USP39: variants seen among roughly 807,000 people sequenced by gnomAD.
USP39 encodes ubiquitin carboxyl-terminal hydrolase 39.
USP39 carries 38 observed loss-of-function variants against 66.4 expected under a neutral mutation model. The ratio of observed to expected loss-of-function variants is 0.57; its 90% CI spans 0.44 to 0.75. The LOEUF is 0.75. Among genes scored for constraint, USP39 ranks in the 30% least tolerant of loss-of-function variants. The pLI, the probability that USP39 is intolerant of heterozygous loss-of-function variation, is 0.00. For missense variants in USP39, 608 were observed against 714.4 expected (o/e 0.85, Z 1.70); for synonymous variants, 303 against 274.6 (o/e 1.10, Z -1.02).
At chr2:85,624,847 C>G (rs1456146080) in intron 4 of USP39, among the ~76,000 whole-genome samples, 2 of 151,926 alleles carry the variant, frequency 1.3e-5, no homozygotes, top group Admixed American at 6.6e-5. Flanking sequence ...CCTGTAATCC[C>G]AGCTACTTGG....
chr2:85,628,999 G>A (rs1162591429), intron 5 of USP39, among the ~76,000 whole-genome samples: 1 of 152,142 alleles, frequency 6.6e-6, no homozygotes, highest in African/African-American at 2.4e-5. Flanking sequence ...TGCTGGTCGG[G>A]AAGGACCTGT....
At chr2:85,616,177 G>A (rs769154089), upstream of USP39, 4 of 1,401,680 alleles carry the variant, frequency 2.9e-6, no homozygotes, top group South Asian at 3.2e-5. Context: ...TGCGCTGGAC[G>A]ACTCGGCCGG....
chr2:85,639,329 C>A lies in USP39; in HGVS notation c.1222C>A (p.Leu408Ile), dbSNP rs1462608730. ...CCTCTACAAGGACGAGAAGGAGCAG[C>A]TCATCATTCCCCAAGTGCCACTCTT... is the stretch of plus-strand genomic sequence containing the variant. Reference protein sequence around the residue: ...APLYKDEKEQLIIPQVPLFNI... With the variant: ...APLYKDEKEQIIIPQVPLFNI... Residue 408 changes from leucine to isoleucine, a missense_variant, in exon 9 of 13, where the codon CTC becomes ATC. Physicochemically the swap from Leu to Ile is conservative, Grantham distance 5 (BLOSUM62 2). This residue lies in a region of USP39 where 164 missense variants were observed against 250.3 expected (regional missense o/e 0.66). Coordinates refer to ENST00000323701, the MANE Select transcript of USP39 (RefSeq NM_006590.4). 1 of 1,614,078 alleles carries A rather than the reference C, an allele frequency of 6.2e-7. No individual in the cohort carries two copies. The highest frequency in any genetic ancestry group is 1.7e-5 in the Admixed American group (1 of 59,986).
intron 6 of USP39, among the ~76,000 whole-genome samples, chr2:85,635,190 A>G (rs1284544065): frequency 1.7e-4 from 26 of 152,234 alleles, no homozygotes; most frequent in Admixed American, 1.7e-3. Flanking sequence ...TGAGGAAGAT[A>G]TACTATAGTC....
upstream of USP39, chr2:85,607,344 T>C (rs2104136894): frequency 6.6e-6 from 1 of 152,218 alleles, no homozygotes; most frequent in Middle Eastern, 3.4e-3. Context: ...TGGAGGGTAG[T>C]TAACATTAGA....
upstream of USP39, among the ~76,000 whole-genome samples, chr2:85,614,989 G>C (rs1673815016): frequency 7.9e-6 from 1 of 126,358 alleles, no homozygotes; most frequent in Non-Finnish European, 1.9e-5. Context: ...AGTGTGGTGT[G>C]GTGTGGTGTG....
chr2:85,611,551 G>T (rs1162778464), upstream of USP39: 16 of 1,550,954 alleles, frequency 1.0e-5, no homozygotes, highest in African/African-American at 2.2e-4. Flanking sequence ...GGAGGTTCCG[G>T]AAAGAGACGA....
intron 4 of USP39, 52 bp from the exon 5 acceptor site, chr2:85,625,486 AT>A: frequency 6.2e-7 from 1 of 1,605,994 alleles, no homozygotes; most frequent in Non-Finnish European, 8.5e-7. Context: ...TGTTACAGAC[AT>A]TTCTTGTGAA....
chr2:85,612,040 C>A (rs957294912), upstream of USP39: 4 of 1,285,432 alleles, frequency 3.1e-6, no homozygotes, highest in East Asian at 2.6e-5. Flanking sequence ...AACAGCCACC[C>A]GCCCACAGAG....
At chr2:85,612,300 A>G, upstream of USP39, 1 of 1,535,730 alleles carries the variant, frequency 6.5e-7, no homozygotes, top group Non-Finnish European at 8.7e-7. Flanking sequence ...CTTCAGAAAA[A>G]TGCAAATCAT....
intron 4 of USP39, among the ~76,000 whole-genome samples, chr2:85,625,004 A>C (rs1264948064): frequency 1.3e-5 from 2 of 152,072 alleles, no homozygotes; most frequent in Non-Finnish European, 2.9e-5. Context: ...TATAGAGGGA[A>C]AAACTGGGCT....
At chr2:85,605,309 C>T (rs1673175824) in intron 1 of USP39, among the ~76,000 whole-genome samples, 1 of 152,136 alleles carries the variant, frequency 6.6e-6, no homozygotes, top group South Asian at 2.1e-4. Context: ...TGAAAAGTAC[C>T]TTCCTTCTGG....
chr2:85,615,971 C>T (rs995261147), upstream of USP39: 89 of 830,916 alleles, frequency 1.1e-4, no homozygotes, highest in Non-Finnish European at 1.2e-4. Context: ...TAAAGGTTCC[C>T]GTCTCAGTAA....
intron 5 of USP39, among the ~76,000 whole-genome samples, chr2:85,627,936 G>A (rs909088143): frequency 3.9e-5 from 6 of 151,990 alleles, no homozygotes; most frequent in South Asian, 2.1e-4. Context: ...TGTTGCATAT[G>A]TTGCACATGT....
At chr2:85,645,953 C>A (rs1676610405) in intron 11 of USP39, 1 of 152,170 alleles carries the variant, frequency 6.6e-6, no homozygotes, top group Non-Finnish European at 1.5e-5. Context: ...CCCTGAGAGA[C>A]CCTGATATGC....
At chr2:85,647,042 C>G (rs562299640) in intron 11 of USP39, among the ~76,000 whole-genome samples, 5 of 152,010 alleles carry the variant, frequency 3.3e-5, no homozygotes, top group Non-Finnish European at 7.4e-5. Flanking sequence ...GCACCTGCCA[C>G]CAGGCCTGGC....
intron 1 of USP39, among the ~76,000 whole-genome samples, chr2:85,617,223 G>A: frequency 6.6e-6 from 1 of 151,778 alleles, no homozygotes; most frequent in East Asian, 1.9e-4. Context: ...CAAAGTGCTG[G>A]GTTTACAGGC....
upstream of USP39, chr2:85,611,843 A>G: frequency 6.2e-7 from 1 of 1,601,516 alleles, no homozygotes; most frequent in South Asian, 1.1e-5. Context: ...CCAGGCCAGG[A>G]GTGGTGGCGG....
chr2:85,639,454 C>A, intron 9 of USP39, 63 bp downstream of exon 9: 113 of 1,177,540 alleles, frequency 9.6e-5, no homozygotes, highest in Non-Finnish European at 1.1e-4. Flanking sequence ...TTTTCATTTT[C>A]TTTTTTTTTT....
Sources: gnomAD v4.1 joint callset for allele counts (sites outside exome capture counted in the v4.1 genomes callset) on GRCh38, gnomAD v4.1.1 for gene constraint, gnomAD v4.1.1 regional missense constraint, MANE v1.5 for transcripts, NCBI Gene and HGNC (gene_info 2026-07-23, HGNC 2026-07-21) for gene names.